The following ZFHX3 variants were observed in gnomAD, a reference collection of about 807,000 sequenced individuals.
The protein encoded by ZFHX3 is zinc finger homeobox 3, also known as zinc finger homeobox protein 3.
A neutral mutation model predicts 279.1 loss-of-function variants in ZFHX3; 42 were observed. The observed-to-expected ratio is 0.15, with a 90% confidence interval of 0.12 to 0.19. The LOEUF is 0.19. Among genes scored for constraint, ZFHX3 ranks in the 10% least tolerant of loss-of-function variants. The pLI, the probability that ZFHX3 is intolerant of heterozygous loss-of-function variation, is 1.00. For missense variants in ZFHX3, 4,981 were observed against 4,754.0 expected (o/e 1.05, Z -1.40); for synonymous variants, 2,293 against 1,957.8 (o/e 1.17, Z -4.52).
At chr16:73,642,196 C>T (rs2052579736) in intron 2 of ZFHX3, among the ~76,000 whole-genome samples, 1 of 152,158 alleles carries the variant, frequency 6.6e-6, no homozygotes, top group South Asian at 2.1e-4. Context: ...TTCTTTTACT[C>T]AAGCACATGG....
intron 5 of ZFHX3, among the ~76,000 whole-genome samples, chr16:73,174,863 CAAAAAAA>C (rs34447211): frequency 2.4e-4 from 21 of 86,828 alleles, no homozygotes; most frequent in East Asian, 1.9e-3. Context: ...ACTAAAAATA[CAAAAAAA>C]AAAAAAAAAA....
intron 3 of ZFHX3, among the ~76,000 whole-genome samples, chr16:72,900,223 C>T (rs529050886): frequency 6.6e-6 from 1 of 151,680 alleles, no homozygotes; most frequent in East Asian, 1.9e-4. Context: ...GGACCACGTT[C>T]TTTCTCATGT....
chr16:73,578,376 G>A (rs1319194690), intron 2 of ZFHX3, among the ~76,000 whole-genome samples: 1 of 118,180 alleles, frequency 8.5e-6, no homozygotes, highest in Non-Finnish European at 1.8e-5. Context: ...TTTCGTAGAT[G>A]TTAAATGAAA....
chr16:73,094,247 G>A (rs1183965), intron 7 of ZFHX3, among the ~76,000 whole-genome samples: 94,072 of 152,002 alleles, frequency 0.62, 29,627 homozygotes, highest in Middle Eastern at 0.75. Context: ...TTTCCTGGAA[G>A]TTCACCCAAT....
At chr16:73,332,641 T>A (rs1597288158) in intron 3 of ZFHX3, among the ~76,000 whole-genome samples, 1 of 152,224 alleles carries the variant, frequency 6.6e-6, no homozygotes, top group Admixed American at 6.5e-5. Context: ...ATTAACTGTA[T>A]CGGATATGGG....
chr16:73,378,326 T>C (rs2016760464), intron 3 of ZFHX3, among the ~76,000 whole-genome samples: 1 of 152,174 alleles, frequency 6.6e-6, no homozygotes, highest in African/African-American at 2.4e-5. Context: ...TGATAACACA[T>C]AAAGCTAATC....
In ZFHX3 at chr16:72,874,568, T is replaced by C. The variant is rs111286656; in HGVS notation, c.3448+15163A>G. ...TGGTGAGAATGGCTACATGGAAACA[T>C]AGAAGGAAAGTGGATGTCTGCTGAC... On this transcript the variant is annotated intron_variant, in intron 4 of 9. Coordinates refer to ENST00000268489, the MANE Select transcript of ZFHX3 (RefSeq NM_006885.4). 2.4e-4 allele frequency among the ~76,000 whole-genome samples: 37 copies of C among 152,130 alleles called. 1 individual carries two copies. Among genetic ancestry groups the C allele is most frequent in the African/African-American group, 5.3e-4 (22 of 41,500 alleles).
At chr16:73,707,054 C>T (rs190277045) in intron 1 of ZFHX3, among the ~76,000 whole-genome samples, 9 of 152,258 alleles carry the variant, frequency 5.9e-5, no homozygotes, top group African/African-American at 1.7e-4. Context: ...ATTGAGCAGC[C>T]AGTATACTTT....
intron 2 of ZFHX3, among the ~76,000 whole-genome samples, chr16:73,527,279 C>G (rs1300350646): frequency 6.6e-5 from 10 of 152,150 alleles, no homozygotes; most frequent in Non-Finnish European, 1.5e-4. Flanking sequence ...GGGTTGTTGA[C>G]AGAACTTCCC....
rs8046816 is a variant in ZFHX3 at position 73,272,125 on chromosome 16, A to T, written c.-1193-14989T>A. On this transcript the variant is annotated intron_variant, in intron 4 of 17. Coordinates refer to the ZFHX3 transcript ENST00000641206. ...TCTGAAGCAAAAATGAGAAAAGAGC[A>T]GGTAGAGCTAACCGTATTTATTTAA... is the stretch of plus-strand genomic sequence containing the variant. 3.9e-5 allele frequency among the ~76,000 whole-genome samples: 6 copies of T among 152,102 alleles called. No individual in the cohort carries two copies. In the East Asian group the frequency reaches 5.8e-4, roughly 15 times the overall value.
At chr16:73,803,680 T>C (rs1467073554) in intron 1 of ZFHX3, among the ~76,000 whole-genome samples, 3 of 152,246 alleles carry the variant, frequency 2.0e-5, no homozygotes, top group Admixed American at 6.5e-5. Flanking sequence ...GTTAGACTTA[T>C]TCTGCAATTA....
At chr16:73,501,977 A>G (rs1168016222) in intron 2 of ZFHX3, among the ~76,000 whole-genome samples, 1 of 151,314 alleles carries the variant, frequency 6.6e-6, no homozygotes, top group Non-Finnish European at 1.5e-5. Flanking sequence ...AAACAAAGCT[A>G]TTTGTTTACT....
intron 4 of ZFHX3, among the ~76,000 whole-genome samples, chr16:73,311,612 A>C (rs533244589): frequency 0.019 from 245 of 12,960 alleles, no homozygotes; most frequent in African/African-American, 0.1. Flanking sequence ...AAAAAAAAAA[A>C]GAAGTCACCA....
chr16:73,278,245 G>C (rs754885798), intron 4 of ZFHX3, among the ~76,000 whole-genome samples: 1 of 152,136 alleles, frequency 6.6e-6, no homozygotes, highest in African/African-American at 2.4e-5. Flanking sequence ...TAAAGTTTTT[G>C]TTACTGTTGT....
intron 5 of ZFHX3, among the ~76,000 whole-genome samples, chr16:73,193,876 A>G (rs558204801): frequency 3.9e-5 from 6 of 152,314 alleles, no homozygotes; most frequent in African/African-American, 1.4e-4. Context: ...CACATGCTTA[A>G]ACCATGCCCT....
intron 1 of ZFHX3, among the ~76,000 whole-genome samples, chr16:73,752,638 C>T (rs1384221989): frequency 6.6e-6 from 1 of 152,156 alleles, no homozygotes; most frequent in African/African-American, 2.4e-5. Context: ...CTGAACAAAA[C>T]CGCCTGGCTG....
intron 1 of ZFHX3, among the ~76,000 whole-genome samples, chr16:73,755,228 T>C (rs962826798): frequency 6.6e-6 from 1 of 152,152 alleles, no homozygotes. Flanking sequence ...TCTCCTGAGA[T>C]TTTCCCCTTT....
chr16:73,821,032 A>T (rs1274711909), intron 1 of ZFHX3, among the ~76,000 whole-genome samples: 3 of 152,180 alleles, frequency 2.0e-5, no homozygotes, highest in Non-Finnish European at 4.4e-5. Flanking sequence ...TGAGGTCTAG[A>T]GAGCGTGAGT....
intron 2 of ZFHX3, among the ~76,000 whole-genome samples, chr16:73,559,778 C>T (rs2020343126): frequency 2.0e-5 from 3 of 152,134 alleles, no homozygotes; most frequent in African/African-American, 7.2e-5. Context: ...ACCGTCCCCT[C>T]CCTGGTAAGG....
Sources: gnomAD v4.1 joint callset for allele counts (sites outside exome capture counted in the v4.1 genomes callset) on GRCh38, gnomAD v4.1.1 for gene constraint, MANE v1.5 for transcripts, NCBI Gene and HGNC (gene_info 2026-07-23, HGNC 2026-07-21) for gene names.